DLC1: variants seen among roughly 807,000 people sequenced by gnomAD.
DLC1 encodes rho GTPase-activating protein 7.
DLC1 carries 54 observed loss-of-function variants against 140.3 expected under a neutral mutation model. That is an observed-to-expected ratio of 0.38 (90% CI 0.31 to 0.48). The LOEUF (loss-of-function observed/expected upper bound fraction) is 0.48, where lower values mean the gene tolerates loss of function less well. Ranked by LOEUF, DLC1 falls within the 20% of genes least tolerant of loss-of-function variation. The pLI, the probability that DLC1 is intolerant of heterozygous loss-of-function variation, is 0.96. For missense variants in DLC1, 2,536 were observed against 1,907.0 expected (o/e 1.33, Z -6.14); for synonymous variants, 986 against 728.1 (o/e 1.35, Z -5.70).
At chr8:13,529,404 T>C (rs926403168) in intron 1 of DLC1, among the ~76,000 whole-genome samples, 9 of 152,170 alleles carry the variant, frequency 5.9e-5, no homozygotes, top group African/African-American at 2.2e-4. Flanking sequence ...TTCAACATTT[T>C]CCCCCAAACC....
intron 5 of DLC1, among the ~76,000 whole-genome samples, chr8:13,188,844 T>TATATATATGTATATATATATATATA (rs1491498157): frequency 1.0e-3 from 27 of 25,832 alleles, no homozygotes; most frequent in Non-Finnish European, 1.9e-3. Context: ...TATATATATA[T>TATATATATGTATATATATATATATA]TTTTTTTTTT....
chr8:13,350,457 T>G (rs550263084), intron 4 of DLC1, among the ~76,000 whole-genome samples: 1 of 152,216 alleles, frequency 6.6e-6, no homozygotes, highest in Non-Finnish European at 1.5e-5. Flanking sequence ...GGCTCACGTC[T>G]GTAATCTCAG....
At chr8:13,147,291 T>C (rs547825312) in intron 5 of DLC1, among the ~76,000 whole-genome samples, 89 of 152,348 alleles carry the variant, frequency 5.8e-4, no homozygotes, top group African/African-American at 2.0e-3. Flanking sequence ...GAATGATGAA[T>C]GAAGCACCAG....
rs1190093763 is a variant in DLC1 at position 13,304,796 on chromosome 8, A to G, written c.1348+473T>C. Reference sequence around the variant, plus strand: ...ATTATAATTAAAGCACAGAACACAGAAAAATACTATAATTTTTTTCTTCAA... The same window carrying G: ...ATTATAATTAAAGCACAGAACACAGGAAAATACTATAATTTTTTTCTTCAA... On this transcript the variant is annotated intron_variant, in intron 5 of 17. Transcript: ENST00000276297. 6.2e-6 allele frequency: 6 copies of G among 963,788 alleles called. No homozygotes were observed. In the Admixed American group the frequency reaches 1.8e-4, roughly 30 times the overall value. The allele number at this position is 963,788 out of a possible 1,614,324, so 59.7% of individuals were successfully genotyped here.
intron 2 of DLC1, among the ~76,000 whole-genome samples, chr8:13,464,131 C>T (rs976398816): frequency 6.6e-6 from 1 of 152,120 alleles, no homozygotes; most frequent in African/African-American, 2.4e-5. Context: ...TTGGAGGACA[C>T]AGAGAAACAA....
At chr8:13,093,551 T>C (rs1818263003) in intron 12 of DLC1, among the ~76,000 whole-genome samples, 1 of 152,202 alleles carries the variant, frequency 6.6e-6, no homozygotes, top group African/African-American at 2.4e-5. Flanking sequence ...CTGATCCCGA[T>C]CTTCAGGTCT....
intron 5 of DLC1, among the ~76,000 whole-genome samples, chr8:13,153,006 T>C (rs1418154433): frequency 6.6e-6 from 1 of 152,186 alleles, no homozygotes; most frequent in Non-Finnish European, 1.5e-5. Context: ...TGCCTCCGCA[T>C]ATTTTCATTT....
intron 5 of DLC1, among the ~76,000 whole-genome samples, chr8:13,143,854 CATAG>C (rs1194589885): frequency 0.011 from 1,044 of 91,558 alleles, 14 homozygotes; most frequent in African/African-American, 0.039. Context: ...GAGAGAGAGA[CATAG>C]ACATGCCAAG....
intron 5 of DLC1, among the ~76,000 whole-genome samples, chr8:13,178,180 T>C (rs1322404914): frequency 6.6e-6 from 1 of 152,124 alleles, no homozygotes; most frequent in African/African-American, 2.4e-5. Flanking sequence ...ATATACCTTT[T>C]AGAGGAAAAG....
intron 1 of DLC1, among the ~76,000 whole-genome samples, chr8:13,541,340 T>C (rs1180917740): frequency 1.3e-5 from 2 of 151,486 alleles, no homozygotes; most frequent in East Asian, 1.9e-4. Flanking sequence ...CCAGGTTATA[T>C]GATAAGTGCA....
At chr8:13,570,752 G>A (rs1349247590) in intron 1 of DLC1, among the ~76,000 whole-genome samples, 3 of 151,864 alleles carry the variant, frequency 2.0e-5, no homozygotes, top group Non-Finnish European at 4.4e-5. Flanking sequence ...ATACTCTCCC[G>A]CTTCTTCGTC....
chr8:13,417,372 A>G (rs1465214602), intron 2 of DLC1, among the ~76,000 whole-genome samples: 2 of 138,676 alleles, frequency 1.4e-5, no homozygotes, highest in South Asian at 2.4e-4. Flanking sequence ...CCCCCACCCA[A>G]CAACAGTCCC....
intron 2 of DLC1, among the ~76,000 whole-genome samples, chr8:13,410,895 A>T (rs289611): frequency 0.92 from 140,714 of 152,234 alleles, 65,134 homozygotes; most frequent in East Asian, 0.97. Flanking sequence ...GTTGAATGAA[A>T]GAATGAATGA....
intron 5 of DLC1, among the ~76,000 whole-genome samples, chr8:13,262,882 A>T (rs1830519893): frequency 1.3e-5 from 2 of 152,232 alleles, no homozygotes; most frequent in South Asian, 4.1e-4. Flanking sequence ...AAAACAGAAT[A>T]ACCATCACTA....
At chr8:13,106,062 C>T (rs1819538607) in intron 7 of DLC1, among the ~76,000 whole-genome samples, 1 of 152,216 alleles carries the variant, frequency 6.6e-6, no homozygotes, top group South Asian at 2.1e-4. Context: ...TCCCTCTTAT[C>T]TCCTGGGCAA....
intron 5 of DLC1, among the ~76,000 whole-genome samples, chr8:13,128,676 C>A (rs879756848): frequency 1.3e-4 from 19 of 151,878 alleles, no homozygotes; most frequent in Non-Finnish European, 8.8e-5. Context: ...ACTAAAAATA[C>A]CAAAAAATTA....
intron 5 of DLC1, among the ~76,000 whole-genome samples, chr8:13,239,704 C>T (rs1022358582): frequency 6.6e-6 from 1 of 152,132 alleles, no homozygotes; most frequent in African/African-American, 2.4e-5. Flanking sequence ...TAATCTCAGG[C>T]CTGGGCTATG....
intron 1 of DLC1, among the ~76,000 whole-genome samples, chr8:13,533,632 G>A (rs765772590): frequency 6.6e-6 from 1 of 152,122 alleles, no homozygotes; most frequent in Non-Finnish European, 1.5e-5. Flanking sequence ...AAGAATCAAA[G>A]TCATTTATTT....
chr8:13,590,258 T>A (rs1490704170), intron 1 of DLC1, among the ~76,000 whole-genome samples: 1 of 152,032 alleles, frequency 6.6e-6, no homozygotes, highest in Non-Finnish European at 1.5e-5. Flanking sequence ...TCCCACATTA[T>A]GAGTCCTCCC....
Sources: allele counts gnomAD v4.1 joint callset (sites outside exome capture counted in the v4.1 genomes callset), GRCh38; gene constraint gnomAD v4.1.1; transcripts MANE v1.5; gene names NCBI Gene and HGNC (gene_info 2026-07-23, HGNC 2026-07-21).